Variants in TSPEAR observed in about 807,000 individuals in gnomAD.
The protein encoded by TSPEAR is thrombospondin-type laminin G domain and EAR repeat-containing protein.
Under a neutral mutation model 71.6 loss-of-function variants are expected in TSPEAR, and 69 were observed. The ratio of observed to expected loss-of-function variants is 0.96; its 90% CI spans 0.79 to 1.18. The LOEUF (loss-of-function observed/expected upper bound fraction) is 1.18, where lower values mean the gene tolerates loss of function less well. TSPEAR is among the 50% of genes most tolerant of loss of function. The pLI, the probability that TSPEAR is intolerant of heterozygous loss-of-function variation, is 0.00. For missense variants in TSPEAR, 971 were observed against 894.9 expected, an observed-to-expected ratio of 1.09 and a Z score of -1.09; for synonymous variants, 402 against 387.2, an observed-to-expected ratio of 1.04 and a Z score of -0.45.
intron 1 of TSPEAR, among the ~76,000 whole-genome samples, chr21:44,674,682 T>A (rs1986217940): frequency 6.6e-6 from 1 of 151,354 alleles, no homozygotes; most frequent in Non-Finnish European, 1.5e-5. Context: ...ACACCACGAC[T>A]GGGTCATTGC....
chr21:44,574,984 C>A (rs1555923702), intron 1 of TSPEAR: 1 of 1,611,278 alleles, frequency 6.2e-7, no homozygotes, highest in Admixed American at 1.7e-5. Flanking sequence ...TGCTCCCGCC[C>A]AGCCTGCTGA....
intron 2 of TSPEAR, among the ~76,000 whole-genome samples, chr21:44,537,660 TAAATC>T (rs1388366534): frequency 2.6e-5 from 4 of 152,190 alleles, no homozygotes; most frequent in South Asian, 4.2e-4. Flanking sequence ...GGCAAAAAGT[TAAATC>T]TAAGCAATAA....
chr21:44,504,357 TC>T (rs1308247419), intron 11 of TSPEAR, among the ~76,000 whole-genome samples: 64 of 92,768 alleles, frequency 6.9e-4, no homozygotes, highest in Non-Finnish European at 3.8e-4. Context: ...CGGTGAGCCC[TC>T]GGGGGAAGCA....
At chr21:44,561,936 T>A (rs2053640106) in intron 2 of TSPEAR, among the ~76,000 whole-genome samples, 1 of 152,186 alleles carries the variant, frequency 6.6e-6, no homozygotes, top group Non-Finnish European at 1.5e-5. Context: ...AAGGATACCC[T>A]CTCTCATCAC....
intron 1 of TSPEAR, chr21:44,579,518 CAAGTG>C: frequency 1.7e-6 from 1 of 587,460 alleles, no homozygotes; most frequent in Non-Finnish European, 3.0e-6. Context: ...AAGTCGAGGC[CAAGTG>C]ACATGGGGCA....
chr21:44,565,256 G>A (rs1470701283), intron 2 of TSPEAR, among the ~76,000 whole-genome samples: 1 of 152,054 alleles, frequency 6.6e-6, no homozygotes, highest in Non-Finnish European at 1.5e-5. Context: ...CAAGCACAAT[G>A]AAGGAAATAA....
In TSPEAR at chr21:44,612,110, G is replaced by A. The variant is rs991800614; in HGVS notation, c.83-44105C>T. On this transcript the variant is annotated intron_variant, in intron 1 of 11. Transcript: ENST00000323084. The surrounding 1 kb of genome is among the most constrained non-coding windows in gnomAD (Gnocchi z 4.1). ...CAGTCCAGCACCCACCATGGCTGAC[G>A]CCTGCTGCACCAGGACGTATGTGAT... 12 of 1,613,432 alleles carry A rather than the reference G, an allele frequency of 7.4e-6. No homozygotes were observed. Among genetic ancestry groups the A allele is most frequent in the South Asian group, 4.4e-5 (4 of 91,040 alleles).
At chr21:44,658,151 G>C in intron 1 of TSPEAR, 1 of 1,614,104 alleles carries the variant, frequency 6.2e-7, no homozygotes, top group South Asian at 1.1e-5. Context: ...GTGCGTGCCC[G>C]TGAGCTGCAG....
Position 44,593,846 on chromosome 21 carries a change from A to G in TSPEAR, c.83-25841T>C, listed in dbSNP as rs782436718. ...CCCGCGATGAGGATGAGCAAGGTTC[A>G]AACGACTGCAGCTCATCCACCAGCA... On this transcript the variant is annotated intron_variant, in intron 1 of 11. Coordinates refer to ENST00000323084, the MANE Select transcript of TSPEAR (RefSeq NM_144991.3). This position sits in a 1 kb window ranked among gnomAD's most constrained non-coding sequence, Gnocchi z 5.9. 3.3e-5 allele frequency among the ~76,000 whole-genome samples: 5 copies of G among 152,346 alleles called. 1 individual carries two copies. The highest frequency in any genetic ancestry group is 9.6e-5 in the African/African-American group (4 of 41,586).
intron 1 of TSPEAR, among the ~76,000 whole-genome samples, chr21:44,590,409 G>A (rs371281): frequency 0.085 from 12,879 of 151,266 alleles, 752 homozygotes; most frequent in East Asian, 0.2. Context: ...ACAGGACCAG[G>A]AGGGAGCCAG....
intron 1 of TSPEAR, among the ~76,000 whole-genome samples, chr21:44,661,462 G>A (rs12482870): frequency 0.72 from 109,164 of 152,064 alleles, 39,705 homozygotes; most frequent in African/African-American, 0.83. Context: ...CAGATGAAGT[G>A]GCGTCATATT....
chr21:44,579,775 G>T, intron 1 of TSPEAR: 1 of 1,611,560 alleles, frequency 6.2e-7, no homozygotes, highest in Non-Finnish European at 8.5e-7. Context: ...AGCAGGCCAG[G>T]GGGGAGCACG....
rs1480634015 is a variant in TSPEAR at position 44,605,454 on chromosome 21, C to G, written c.83-37449G>C. On this transcript the variant is annotated intron_variant, in intron 1 of 11. Coordinates refer to ENST00000323084, the MANE Select transcript of TSPEAR (RefSeq NM_144991.3). ...TTACAAATACATAGAAAAGAACAAT[C>G]CCAAAATTCATATGAAACCATAAAA... is the stretch of plus-strand genomic sequence containing the variant. 3.9e-5 allele frequency among the ~76,000 whole-genome samples: 6 copies of G among 152,132 alleles called. No homozygotes were observed. In the East Asian group the frequency reaches 1.2e-3, roughly 29 times the overall value.
intron 1 of TSPEAR, chr21:44,627,968 C>A: frequency 6.6e-7 from 1 of 1,519,794 alleles, no homozygotes; most frequent in South Asian, 1.2e-5. Flanking sequence ...CGCCAGGCCT[C>A]CTGTGTGTCC....
intron 2 of TSPEAR, chr21:44,558,167 G>A (rs782240018): frequency 6.2e-7 from 1 of 1,611,492 alleles, no homozygotes; most frequent in East Asian, 2.2e-5. Flanking sequence ...TGGGCTGGCA[G>A]GTGGAGGCAG....
chr21:44,640,084 G>A (rs587613641), intron 1 of TSPEAR, among the ~76,000 whole-genome samples: 4 of 152,320 alleles, frequency 2.6e-5, no homozygotes, highest in African/African-American at 9.6e-5. Context: ...AGATTTCTGT[G>A]CCCATGTACA....
rs7281839 is a variant in TSPEAR, at chr21:44,704,850, G to A, written c.82+6583C>T. On this transcript the variant is annotated intron_variant, in intron 1 of 11. Coordinates refer to ENST00000323084, the MANE Select transcript of TSPEAR (RefSeq NM_144991.3). Reference sequence around the variant, plus strand: ...GTCACGGCCCCGGCACGCCATCCACGGACCCTGGATGGAGCCCAGCTGCCT... The same window carrying A: ...GTCACGGCCCCGGCACGCCATCCACAGACCCTGGATGGAGCCCAGCTGCCT... Among the ~76,000 whole-genome samples, 275 of 152,050 alleles carry A rather than the reference G, an allele frequency of 1.8e-3. 2 individuals carry two copies. The highest frequency in any genetic ancestry group is 6.4e-3 in the African/African-American group (265 of 41,460).
intron 1 of TSPEAR, among the ~76,000 whole-genome samples, chr21:44,603,973 C>T (rs1337302987): frequency 2.0e-5 from 3 of 151,856 alleles, no homozygotes; most frequent in Non-Finnish European, 2.9e-5. Context: ...GGGGAGACTG[C>T]GGGCTCACTG....
In TSPEAR at chr21:44,689,712, A is replaced by AATATACATATATATATATATATAT. The variant is rs1987033543; in HGVS notation, c.82+21720_82+21721insATATATATATATATATATGTATAT. Among the ~76,000 whole-genome samples, 20 of 62,050 alleles carry AATATACATATATATATATATATAT rather than the reference A, an allele frequency of 3.2e-4. 1 individual carries two copies. Among genetic ancestry groups the AATATACATATATATATATATATAT allele is most frequent in the African/African-American group, 1.6e-3 (20 of 12,458 alleles). 40.7% of individuals were successfully genotyped at this position (62,050 alleles called of 152,430 possible). ...TCCCTTAGAGGGACAGAATAGAATG[A>AATATACATATATATATATATATAT]ATATATATATATATATATATATATA... is the stretch of plus-strand genomic sequence containing the variant. On this transcript the variant is annotated intron_variant, in intron 1 of 11. Transcript: ENST00000323084.
Sources: gnomAD v4.1 joint callset for allele counts (sites outside exome capture counted in the v4.1 genomes callset) on GRCh38, gnomAD v4.1.1 for gene constraint, Gnocchi (gnomAD v3.1) non-coding constraint, MANE v1.5 for transcripts, NCBI Gene and HGNC (gene_info 2026-07-23, HGNC 2026-07-21) for gene names.